Variants in DACH2 observed in about 807,000 individuals in gnomAD.
DACH2 encodes dachshund homolog 2.
In DACH2, 17 loss-of-function variants were observed where a neutral mutation model predicts 35.8. The ratio of observed to expected loss-of-function variants is 0.48; its 90% CI spans 0.33 to 0.71. The LOEUF is 0.71. DACH2 is among the 30% of genes least tolerant of loss of function. The pLI, the probability that DACH2 is intolerant of heterozygous loss-of-function variation, is 0.02. For synonymous variants in DACH2, 195 were observed against 177.3 expected (o/e 1.10, Z -0.79); for missense variants, 469 against 472.7 (o/e 0.99, Z 0.07).
At chrX:86,574,801 A>G (rs1440059174) in intron 3 of DACH2, among the ~76,000 whole-genome samples, 2 of 111,500 alleles carry the variant, frequency 1.8e-5, no homozygotes, top group Admixed American at 9.6e-5. Context: ...TTTAGGTTCA[A>G]TTCCCTAAAC....
chrX:86,819,670 G>A (rs904176614), intron 11 of DACH2, among the ~76,000 whole-genome samples: 4 of 111,566 alleles, frequency 3.6e-5, no homozygotes, highest in African/African-American at 9.7e-5. Context: ...CACAGTTTTT[G>A]CAAGCTTAGC....
intron 2 of DACH2, among the ~76,000 whole-genome samples, chrX:86,495,728 A>G (rs1291113095): frequency 9.1e-6 from 1 of 110,092 alleles, no homozygotes; most frequent in Non-Finnish European, 1.9e-5. Context: ...CAAATGGATG[A>G]ATCCCTTGAG....
intron 3 of DACH2, among the ~76,000 whole-genome samples, chrX:86,601,846 T>A (rs1207314632): frequency 8.9e-6 from 1 of 112,216 alleles, no homozygotes; most frequent in Non-Finnish European, 1.9e-5. Flanking sequence ...GGTCTTTTAT[T>A]GGAAACTGCA....
At chrX:86,177,703 A>T (rs903279768) in intron 1 of DACH2, among the ~76,000 whole-genome samples, 5 of 111,251 alleles carry the variant, frequency 4.5e-5, no homozygotes, top group Non-Finnish European at 9.4e-5. Context: ...AGTGAATTTT[A>T]ATTTCTGCAG....
intron 6 of DACH2, among the ~76,000 whole-genome samples, chrX:86,731,579 A>G (rs1022386460): frequency 8.9e-6 from 1 of 112,494 alleles, no homozygotes; most frequent in African/African-American, 3.2e-5. Context: ...TTTGTTTACC[A>G]GTTTAATTTA....
intron 1 of DACH2, among the ~76,000 whole-genome samples, chrX:86,317,166 T>A (rs1344802511): frequency 2.8e-5 from 3 of 107,840 alleles, no homozygotes; most frequent in African/African-American, 1.0e-4. Flanking sequence ...GTATTAAGAC[T>A]ACCATTATTA....
At chrX:86,466,287 T>C (rs1296320720) in intron 2 of DACH2, among the ~76,000 whole-genome samples, 1 of 111,323 alleles carries the variant, frequency 9.0e-6, no homozygotes, top group Non-Finnish European at 1.9e-5. Context: ...TTATCTCTGA[T>C]TGAGTCCCTC....
At chrX:86,175,667 G>A (rs946289628) in intron 1 of DACH2, among the ~76,000 whole-genome samples, 4 of 111,727 alleles carry the variant, frequency 3.6e-5, no homozygotes, top group African/African-American at 1.3e-4. Context: ...AGGAAAGAGT[G>A]GATGGGATCC....
At chrX:86,673,781 C>T (rs368179286) in intron 4 of DACH2, among the ~76,000 whole-genome samples, 5 of 111,107 alleles carry the variant, frequency 4.5e-5, no homozygotes, top group African/African-American at 9.8e-5. Flanking sequence ...GCCTGTTGGG[C>T]GGATTTCTTC....
At chrX:86,307,270 T>C (rs1245062264) in intron 1 of DACH2, among the ~76,000 whole-genome samples, 5 of 111,839 alleles carry the variant, frequency 4.5e-5, no homozygotes, top group Non-Finnish European at 9.4e-5. Context: ...TTATCTCCTA[T>C]TGAGAAAGAG....
chrX:86,417,285 C>T (rs1181405173), intron 2 of DACH2, among the ~76,000 whole-genome samples: 4 of 110,544 alleles, frequency 3.6e-5, no homozygotes, highest in African/African-American at 9.9e-5. Flanking sequence ...TTGGAGAAGA[C>T]AAATATCCAA....
At position 86,769,845 on chromosome X, in the gene DACH2, C is replaced by A. The variant is rs181625862; in HGVS notation, c.1240+29963C>A. Among the ~76,000 whole-genome samples, 432 of 109,508 alleles carry A rather than the reference C, an allele frequency of 3.9e-3. 2 individuals are homozygous for A. Among genetic ancestry groups the A allele is most frequent in the African/African-American group, 0.014 (408 of 30,105 alleles). ...TGATAACAGAAGCTTTGTGAGATTTCTCTGGTGTATCAATGGTACAAAAGT... is the reference window on the plus strand; with the variant it reads ...TGATAACAGAAGCTTTGTGAGATTTATCTGGTGTATCAATGGTACAAAAGT... On this transcript the variant is annotated intron_variant, in intron 7 of 11. Transcript: ENST00000373125.
chrX:86,628,749 G>A lies in DACH2; in HGVS notation c.641-22287G>A, dbSNP rs7891727. 2.9e-3 allele frequency among the ~76,000 whole-genome samples: 324 copies of A among 111,884 alleles called. 2 individuals are homozygous for A. Among genetic ancestry groups the A allele is most frequent in the African/African-American group, 0.01 (309 of 30,851 alleles). ...TGGTTGAGAATCACTATTCTGAAGA[G>A]TGGAGAATTGATTGCACTGTTGATT... On this transcript the variant is annotated intron_variant, in intron 3 of 11. Transcript: ENST00000373125.
At chrX:86,233,540 A>G (rs2147935132) in intron 1 of DACH2, among the ~76,000 whole-genome samples, 1 of 111,861 alleles carries the variant, frequency 8.9e-6, no homozygotes, top group Non-Finnish European at 1.9e-5. Context: ...TTACGGCAAG[A>G]GTTAATCTCA....
intron 4 of DACH2, among the ~76,000 whole-genome samples, chrX:86,661,534 T>C (rs1211425755): frequency 1.8e-5 from 2 of 112,703 alleles, no homozygotes; most frequent in South Asian, 3.6e-4. Context: ...TTTTAATGCC[T>C]GAATGAGATT....
chrX:86,458,959 G>A (rs1438642966), intron 2 of DACH2, among the ~76,000 whole-genome samples: 1 of 110,582 alleles, frequency 9.0e-6, no homozygotes, highest in Non-Finnish European at 1.9e-5. Context: ...CAGGGCACGT[G>A]TATACCCATG....
chrX:86,356,818 T>A (rs1357815842), intron 1 of DACH2, among the ~76,000 whole-genome samples: 3 of 112,069 alleles, frequency 2.7e-5, no homozygotes, highest in Non-Finnish European at 5.6e-5. Flanking sequence ...ATTTTGTTAA[T>A]TTCTTAGCTT....
intron 1 of DACH2, among the ~76,000 whole-genome samples, chrX:86,156,398 GTA>G (rs2030546962): frequency 9.0e-6 from 1 of 111,338 alleles, no homozygotes; most frequent in African/African-American, 3.2e-5. Flanking sequence ...ATTCTTTGCA[GTA>G]TATGACGTTC....
chrX:86,782,693 G>GAATATCC (rs1388068265), intron 7 of DACH2, among the ~76,000 whole-genome samples: 1 of 111,662 alleles, frequency 9.0e-6, no homozygotes, highest in Admixed American at 9.6e-5. Flanking sequence ...TGGGAAAACT[G>GAATATCC]AATATCCATA....
Sources: gnomAD v4.1 joint callset for allele counts (sites outside exome capture counted in the v4.1 genomes callset) on GRCh38, gnomAD v4.1.1 for gene constraint, MANE v1.5 for transcripts, NCBI Gene and HGNC (gene_info 2026-07-23, HGNC 2026-07-21) for gene names.